GLI3: variants seen among roughly 807,000 people sequenced by gnomAD.
GLI3 encodes transcription activator GLI3.
In GLI3, 20 loss-of-function variants were observed where a neutral mutation model predicts 100.8. The observed-to-expected ratio is 0.20, with a 90% CI of 0.14 to 0.29. The LOEUF (loss-of-function observed/expected upper bound fraction) is 0.29, where lower values mean the gene tolerates loss of function less well. GLI3 is among the 10% of genes least tolerant of loss of function. GLI3 has a pLI of 1.00. For missense variants in GLI3, 2,040 were observed against 2,128.5 expected (o/e 0.96, Z 0.82); for synonymous variants, 938 against 860.5 (o/e 1.09, Z -1.58).
chr7:42,005,456 CAT>C (rs1407199005), intron 10 of GLI3, among the ~76,000 whole-genome samples: 2 of 113,678 alleles, frequency 1.8e-5, no homozygotes, highest in Non-Finnish European at 3.6e-5. Context: ...CCTGAATTCA[CAT>C]ACACACACAC....
At chr7:42,164,856 T>TA (rs1262323950) in intron 2 of GLI3, among the ~76,000 whole-genome samples, 1 of 144,506 alleles carries the variant, frequency 6.9e-6, no homozygotes, top group Non-Finnish European at 1.5e-5. Flanking sequence ...AAATAAAAAT[T>TA]AAAAAAATCT....
intron 1 of GLI3, among the ~76,000 whole-genome samples, chr7:42,224,809 C>T (rs189989288): frequency 6.6e-6 from 1 of 152,308 alleles, no homozygotes; most frequent in Non-Finnish European, 1.5e-5. Context: ...GCTAGCTGGC[C>T]AGTGCACAAC....
At chr7:42,261,366 C>T (rs1330771580) in intron 1 of GLI3, among the ~76,000 whole-genome samples, 3 of 152,094 alleles carry the variant, frequency 2.0e-5, no homozygotes, top group Non-Finnish European at 4.4e-5. Flanking sequence ...CTCACTAGGC[C>T]TCACCTCCAG....
At chr7:42,092,482 C>T (rs558887563) in intron 3 of GLI3, among the ~76,000 whole-genome samples, 1 of 152,230 alleles carries the variant, frequency 6.6e-6, no homozygotes, top group African/African-American at 2.4e-5. Flanking sequence ...AACGCTGTTC[C>T]CAACAAAGAC....
rs3030321 is a variant in GLI3 at position 42,005,458 on chromosome 7, TACACACACACACAC to T, written c.1497+17996_1497+18009del. Among the ~76,000 whole-genome samples, 425 of 143,620 alleles carry T rather than the reference TACACACACACACAC, an allele frequency of 3.0e-3. 6 individuals are homozygous for T. Among genetic ancestry groups the T allele is most frequent in the African/African-American group, 9.5e-3 (362 of 37,948 alleles). 94.2% of individuals were successfully genotyped at this position (143,620 alleles called of 152,430 possible). A position where few individuals can be genotyped will look rare whatever the true frequency, so the allele number is the denominator to read the frequency against. On this transcript the variant is annotated intron_variant, in intron 10 of 14. Transcript: ENST00000395925. The stretch of plus-strand genomic sequence containing the variant: ...AAACATTTTTTATCCTGAATTCACA[TACACACACACACAC>T]ACACACACACACACACACACACACA...
chr7:42,189,374 G>C (rs1252117340), intron 2 of GLI3, among the ~76,000 whole-genome samples: 1 of 152,108 alleles, frequency 6.6e-6, no homozygotes, highest in Non-Finnish European at 1.5e-5. Context: ...TTAAAAACAA[G>C]ATAGAAACAG....
chr7:42,125,395 C>G (rs142120786), intron 3 of GLI3, among the ~76,000 whole-genome samples: 40 of 152,284 alleles, frequency 2.6e-4, no homozygotes, highest in African/African-American at 9.1e-4. Flanking sequence ...ATCTGCTCCC[C>G]CAAGTCTTGC....
At chr7:42,012,779 G>C (rs1028451298) in intron 10 of GLI3, among the ~76,000 whole-genome samples, 2 of 152,146 alleles carry the variant, frequency 1.3e-5, no homozygotes, top group African/African-American at 2.4e-5. Flanking sequence ...TGCTAAACAC[G>C]AGGAGGAATA....
At chr7:42,028,656 C>T (rs987703677) in intron 7 of GLI3, among the ~76,000 whole-genome samples, 7 of 151,898 alleles carry the variant, frequency 4.6e-5, no homozygotes, top group South Asian at 4.2e-4. Context: ...CCCAGCTGCT[C>T]GAGAGTCTGA....
At chr7:42,187,043 CA>C (rs5883815) in intron 2 of GLI3, among the ~76,000 whole-genome samples, 85 of 146,792 alleles carry the variant, frequency 5.8e-4, no homozygotes, top group East Asian at 1.2e-3. Context: ...GAACCTGTCT[CA>C]AAAAAAAAAA....
chr7:42,172,681 G>T (rs1787400366), intron 2 of GLI3: 1 of 699,784 alleles, frequency 1.4e-6, no homozygotes, highest in Admixed American at 2.0e-5. Context: ...GCCTCCAAAT[G>T]GTTGCCTGGG....
chr7:42,129,431 T>C (rs887472426), intron 3 of GLI3, among the ~76,000 whole-genome samples: 5 of 152,190 alleles, frequency 3.3e-5, no homozygotes, highest in Non-Finnish European at 7.3e-5. Flanking sequence ...ACTGGAATTA[T>C]AGGTGGACAT....
intron 2 of GLI3, among the ~76,000 whole-genome samples, chr7:42,190,595 T>C (rs1372010420): frequency 6.6e-6 from 1 of 152,176 alleles, no homozygotes; most frequent in African/African-American, 2.4e-5. Context: ...GTGTGTGAGT[T>C]TATTCAAACA....
At position 42,097,376 on chromosome 7, in the gene GLI3, T is replaced by A. The variant is rs1039596475; in HGVS notation, c.368-20519A>T. On this transcript the variant is annotated intron_variant, in intron 3 of 14. Coordinates refer to ENST00000395925, the MANE Select transcript of GLI3 (RefSeq NM_000168.6). Reference sequence around the variant, plus strand: ...ATGGAGGGGCAGGGGGCGGGAGATGTGAGACAGGAAGCAGCAGGCATCAGA... The same window carrying A: ...ATGGAGGGGCAGGGGGCGGGAGATGAGAGACAGGAAGCAGCAGGCATCAGA... 2.6e-5 allele frequency among the ~76,000 whole-genome samples: 4 copies of A among 152,148 alleles called. No homozygotes were observed. The East Asian group carries it at 7.7e-4, about 29-fold the overall frequency.
At chr7:42,199,622 G>A (rs552413497) in intron 2 of GLI3, among the ~76,000 whole-genome samples, 42 of 152,354 alleles carry the variant, frequency 2.8e-4, no homozygotes, top group Non-Finnish European at 5.4e-4. Flanking sequence ...GTGAGCACAC[G>A]TGTGTCCTCT....
chr7:42,125,627 A>G (rs1401298343), intron 3 of GLI3, among the ~76,000 whole-genome samples: 1 of 152,158 alleles, frequency 6.6e-6, no homozygotes, highest in African/African-American at 2.4e-5. Context: ...TTCCCCTGCC[A>G]TGCACACGAC....
chr7:42,187,360 G>C (rs62443809), intron 2 of GLI3, among the ~76,000 whole-genome samples: 22,053 of 151,936 alleles, frequency 0.15, 2,086 homozygotes, highest in Non-Finnish European at 0.22. Context: ...TTTAATATTT[G>C]TATTAACAAG....
At position 42,204,826 on chromosome 7, in the gene GLI3, G is replaced by C. The variant is rs549636298; in HGVS notation, c.124+18304C>G. ...CTAGACATGAAAAGTTCTATTGTAT[G>C]CACGACTTCCCCGAGACTCTCCTTC... is the stretch of plus-strand genomic sequence containing the variant. On this transcript the variant is annotated intron_variant, in intron 2 of 14. Coordinates refer to ENST00000395925, the MANE Select transcript of GLI3 (RefSeq NM_000168.6). Among the ~76,000 whole-genome samples, 686 of 152,158 alleles carry C rather than the reference G, an allele frequency of 4.5e-3. 7 individuals are homozygous for C. The highest frequency in any genetic ancestry group is 8.0e-3 in the Non-Finnish European group (547 of 67,998).
At chr7:42,184,634 G>T (rs1043163843) in intron 2 of GLI3, among the ~76,000 whole-genome samples, 2 of 152,150 alleles carry the variant, frequency 1.3e-5, no homozygotes, top group Non-Finnish European at 2.9e-5. Flanking sequence ...ATGTTATGGT[G>T]ACATCATGAT....
Sources: gnomAD v4.1 joint callset for allele counts (sites outside exome capture counted in the v4.1 genomes callset) on GRCh38, gnomAD v4.1.1 for gene constraint, MANE v1.5 for transcripts, NCBI Gene and HGNC (gene_info 2026-07-23, HGNC 2026-07-21) for gene names.